RHOBTB1: variants seen among roughly 807,000 people sequenced by gnomAD.
RHOBTB1 encodes the protein Rho related BTB domain containing 1, also known as rho-related BTB domain-containing protein 1.
A neutral mutation model predicts 71.6 loss-of-function variants in RHOBTB1; 40 were observed. That is an observed-to-expected ratio of 0.56 (90% CI 0.43 to 0.73). The LOEUF is 0.73. Among genes scored for constraint, RHOBTB1 ranks in the 30% least tolerant of loss-of-function variants. RHOBTB1 has a pLI of 0.00. For synonymous variants in RHOBTB1, 319 were observed against 334.9 expected, an observed-to-expected ratio of 0.95 and a Z score of 0.52; for missense variants, 797 against 894.0, an observed-to-expected ratio of 0.89 and a Z score of 1.38.
rs1397408441 is a variant in RHOBTB1 at position 60,888,235 on chromosome 10, C to T, written c.1433G>A (p.Cys478Tyr). Residue 478 changes from cysteine (C) to tyrosine (Y), a missense_variant, in exon 6 of 11, where the codon TGT becomes TAT. This residue lies in a region of RHOBTB1 where 658 missense variants were observed against 681.5 expected (regional missense o/e 0.97). Transcript: ENST00000337910. ...ACCCGAGAACGTTCCCTTGCTGAGA[C>T]ACTCTTTTATCCGATTGGCTTTCCT... ...HVRKANRIKE[C>Y]LSKGTFSDVT... 1 of 1,613,664 alleles carries T rather than the reference C, an allele frequency of 6.2e-7. No homozygotes were observed. Among genetic ancestry groups the T allele is most frequent in the Non-Finnish European group, 8.5e-7 (1 of 1,179,830 alleles).
intron 4 of RHOBTB1, among the ~76,000 whole-genome samples, chr10:60,901,253 G>T (rs2082400674): frequency 6.6e-6 from 1 of 152,164 alleles, no homozygotes; most frequent in Admixed American, 6.5e-5. Flanking sequence ...AGGCATTTTT[G>T]GGGGAGAATA....
chr10:60,891,323 G>A (rs2081904454), intron 5 of RHOBTB1, among the ~76,000 whole-genome samples: 1 of 130,258 alleles, frequency 7.7e-6, no homozygotes, highest in Non-Finnish European at 1.6e-5. Context: ...TTTTGTTGTT[G>A]TTGCTGTTTG....
intron 2 of RHOBTB1, among the ~76,000 whole-genome samples, chr10:60,983,767 C>T (rs2086576907): frequency 6.6e-6 from 1 of 152,194 alleles, no homozygotes; most frequent in South Asian, 2.1e-4. Context: ...AATTGTGCCC[C>T]TGGGTACCTT....
intron 4 of RHOBTB1, among the ~76,000 whole-genome samples, chr10:60,906,942 G>T (rs2082710684): frequency 1.3e-5 from 2 of 152,234 alleles, no homozygotes; most frequent in Non-Finnish European, 2.9e-5. Context: ...TCGTGGGAGG[G>T]ACCCAGTGGG....
chr10:60,947,359 A>T (rs1483169346), upstream of RHOBTB1, among the ~76,000 whole-genome samples: 1 of 152,156 alleles, frequency 6.6e-6, no homozygotes, highest in East Asian at 1.9e-4. Flanking sequence ...AAAACTTTTG[A>T]CTAGTTTTTA....
rs546061198 is a variant in RHOBTB1, at chr10:60,911,883, A to T, written c.-10-331T>A. Among the ~76,000 whole-genome samples the T allele has an allele frequency of 2.6e-5, 4 of 152,274 alleles. No homozygotes were observed. The South Asian group carries it at 8.3e-4, about 32-fold the overall frequency. On this transcript the variant is annotated intron_variant, in intron 2 of 10. Transcript: ENST00000337910. The stretch of plus-strand genomic sequence containing the variant: ...GTCGGGACAGCTGGCACACATTTAT[A>T]GCCTACTGGATACTCACGTTGGCCT...
intron 1 of RHOBTB1, among the ~76,000 whole-genome samples, chr10:60,997,454 G>C (rs577732865): frequency 6.6e-6 from 1 of 152,294 alleles, no homozygotes; most frequent in Non-Finnish European, 1.5e-5. Flanking sequence ...TTTAAGAACT[G>C]TTTGTTTATA....
At chr10:60,938,837 C>T (rs972712622) in intron 2 of RHOBTB1, among the ~76,000 whole-genome samples, 6 of 151,894 alleles carry the variant, frequency 4.0e-5, no homozygotes, top group South Asian at 2.1e-4. Context: ...AGTTCCATTT[C>T]TTGCCTCTGT....
At chr10:60,971,628 G>T (rs1565165013) in intron 2 of RHOBTB1, among the ~76,000 whole-genome samples, 1 of 152,102 alleles carries the variant, frequency 6.6e-6, no homozygotes, top group Non-Finnish European at 1.5e-5. Flanking sequence ...TCAGAACACA[G>T]GCATGGGCAA....
intron 2 of RHOBTB1, among the ~76,000 whole-genome samples, chr10:60,918,630 T>C (rs1163745583): frequency 6.6e-6 from 1 of 152,204 alleles, no homozygotes; most frequent in Non-Finnish European, 1.5e-5. Context: ...TTATCACTTG[T>C]CTAAGAAACC....
At chr10:60,924,335 C>T (rs976293152) in intron 2 of RHOBTB1, among the ~76,000 whole-genome samples, 8 of 151,138 alleles carry the variant, frequency 5.3e-5, no homozygotes, top group Admixed American at 4.0e-4. Context: ...AAATAAAACC[C>T]GCCAAAAAAG....
chr10:60,946,836 G>A (rs984280238), upstream of RHOBTB1, among the ~76,000 whole-genome samples: 2 of 152,140 alleles, frequency 1.3e-5, no homozygotes, highest in African/African-American at 4.8e-5. Flanking sequence ...TCCTTCTAAA[G>A]GGGATAAAGA....
chr10:60,959,182 A>AAC (rs1489009750), intron 2 of RHOBTB1, among the ~76,000 whole-genome samples: 2 of 152,198 alleles, frequency 1.3e-5, no homozygotes, highest in Non-Finnish European at 2.9e-5. Flanking sequence ...AAAAATACAA[A>AAC]ACAAACTCTT....
At chr10:60,894,758 T>C (rs1220747762) in intron 4 of RHOBTB1, among the ~76,000 whole-genome samples, 3 of 152,188 alleles carry the variant, frequency 2.0e-5, no homozygotes, top group Non-Finnish European at 4.4e-5. Context: ...ATTGAGGAAA[T>C]ATATCCAGCA....
intron 2 of RHOBTB1, among the ~76,000 whole-genome samples, chr10:60,957,269 C>T (rs2085626430): frequency 6.6e-6 from 1 of 152,144 alleles, no homozygotes; most frequent in South Asian, 2.1e-4. Context: ...ATGTGCTGTA[C>T]CTAATTGTAT....
At chr10:60,961,508 T>G (rs1308612452) in intron 2 of RHOBTB1, among the ~76,000 whole-genome samples, 4 of 152,140 alleles carry the variant, frequency 2.6e-5, no homozygotes, top group African/African-American at 9.7e-5. Flanking sequence ...ATGAATACAA[T>G]GATGTAGTAA....
chr10:60,959,105 T>C (rs928865315), intron 2 of RHOBTB1, among the ~76,000 whole-genome samples: 1 of 151,908 alleles, frequency 6.6e-6, no homozygotes, highest in African/African-American at 2.4e-5. Flanking sequence ...ATTAGTAAAA[T>C]AGAAAACCAT....
At chr10:60,964,906 T>G (rs576760784) in intron 2 of RHOBTB1, among the ~76,000 whole-genome samples, 2 of 152,248 alleles carry the variant, frequency 1.3e-5, no homozygotes, top group Admixed American at 6.5e-5. Flanking sequence ...TAATCCTACC[T>G]TATAGGCAGA....
chr10:60,930,745 T>C (rs1052237121), intron 2 of RHOBTB1, among the ~76,000 whole-genome samples: 5 of 152,302 alleles, frequency 3.3e-5, no homozygotes, highest in South Asian at 2.1e-4. Context: ...TCACCTTTCA[T>C]GGCAACTGCT....
Sources: gnomAD v4.1 joint callset for allele counts (sites outside exome capture counted in the v4.1 genomes callset) on GRCh38, gnomAD v4.1.1 for gene constraint, gnomAD v4.1.1 regional missense constraint, MANE v1.5 for transcripts, NCBI Gene and HGNC (gene_info 2026-07-23, HGNC 2026-07-21) for gene names.